The following KIF21A variants were observed in gnomAD, a reference collection of about 807,000 sequenced individuals.
KIF21A encodes kinesin family member 21A, also known as kinesin-like protein KIF21A.
In KIF21A, 114 loss-of-function variants were observed where a neutral mutation model predicts 202.9. The observed-to-expected ratio is 0.56, with a 90% CI of 0.48 to 0.66. The LOEUF is 0.66. Ranked by LOEUF, KIF21A falls within the 30% of genes least tolerant of loss-of-function variation. The pLI, the probability that KIF21A is intolerant of heterozygous loss-of-function variation, is 0.00. For synonymous variants in KIF21A, 667 were observed against 670.8 expected (o/e 0.99, Z 0.09); for missense variants, 1,677 against 1,994.9 (o/e 0.84, Z 3.04).
chr12:39,317,936 G>A, intron 29 of KIF21A, 137 bp downstream of exon 29: 1 of 852,042 alleles, frequency 1.2e-6, no homozygotes, highest in Non-Finnish European at 1.9e-6. Flanking sequence ...CCATTGGAAA[G>A]ATGCATAAAA....
At chr12:39,411,233 A>G (rs1340003528) in intron 1 of KIF21A, among the ~76,000 whole-genome samples, 1 of 152,218 alleles carries the variant, frequency 6.6e-6, no homozygotes, top group East Asian at 1.9e-4. Context: ...TTCTTTAATA[A>G]GAATGCCAAC....
intron 31 of KIF21A, chr12:39,312,514 G>A (rs1390893112): frequency 6.6e-6 from 1 of 151,960 alleles, no homozygotes; most frequent in Admixed American, 6.6e-5. Context: ...ACTACTAAAA[G>A]AGTATAATTG....
intron 1 of KIF21A, among the ~76,000 whole-genome samples, chr12:39,376,947 G>A (rs1257232449): frequency 6.6e-6 from 1 of 152,110 alleles, no homozygotes; most frequent in Non-Finnish European, 1.5e-5. Context: ...TTGCTGATTT[G>A]TTGTCCTGTT....
At position 39,296,320 on chromosome 12, in the gene KIF21A, C is replaced by T. The variant is rs543307036; in HGVS notation, c.4932-1803G>A. Reference sequence around the variant, plus strand: ...TCCTGACCTCATGACCCGCCTGCCTCGGCCTCCCAAAGTGCTGGGATTACA... The same window carrying T: ...TCCTGACCTCATGACCCGCCTGCCTTGGCCTCCCAAAGTGCTGGGATTACA... On this transcript the variant is annotated intron_variant, in intron 37 of 37. Transcript: ENST00000361418. 5.9e-5 allele frequency among the ~76,000 whole-genome samples: 9 copies of T among 152,098 alleles called. No homozygotes were observed. The South Asian group carries it at 1.7e-3, about 28-fold the overall frequency.
chr12:39,440,820 T>C (rs7962283), intron 1 of KIF21A, among the ~76,000 whole-genome samples: 51,086 of 151,746 alleles, frequency 0.34, 10,764 homozygotes, highest in African/African-American at 0.6. Context: ...ACAAGACCAC[T>C]CTGGGAAACA....
At chr12:39,401,407 C>T (rs1163315055) in intron 1 of KIF21A, among the ~76,000 whole-genome samples, 2 of 152,140 alleles carry the variant, frequency 1.3e-5, no homozygotes, top group Non-Finnish European at 2.9e-5. Context: ...AAGGTAAATT[C>T]TTTACCCAAT....
chr12:39,367,752 C>A (rs1463083650), intron 4 of KIF21A, 131 bp downstream of exon 4: 3 of 720,346 alleles, frequency 4.2e-6, no homozygotes, highest in Non-Finnish European at 7.1e-6. Context: ...GAGGAAAGAA[C>A]ACAAGATCTT....
At chr12:39,346,161 G>A (rs1592259405) in intron 12 of KIF21A, among the ~76,000 whole-genome samples, 1 of 151,842 alleles carries the variant, frequency 6.6e-6, no homozygotes, top group African/African-American at 2.4e-5. Context: ...AATGGCAGGG[G>A]TTTTAGGGTT....
At chr12:39,387,222 C>T (rs1951010659) in intron 1 of KIF21A, among the ~76,000 whole-genome samples, 1 of 147,736 alleles carries the variant, frequency 6.8e-6, no homozygotes, top group Admixed American at 6.8e-5. Context: ...ACTGTAAAAG[C>T]CTATGACTGT....
chr12:39,338,456 T>TA (rs1348254212), intron 16 of KIF21A, among the ~76,000 whole-genome samples: 1 of 152,168 alleles, frequency 6.6e-6, no homozygotes, highest in Non-Finnish European at 1.5e-5. Flanking sequence ...GTTTTTAAAA[T>TA]AAATTTAGTG....
intron 10 of KIF21A, among the ~76,000 whole-genome samples, chr12:39,356,166 C>T (rs1948761598): frequency 6.6e-6 from 1 of 152,202 alleles, no homozygotes; most frequent in African/African-American, 2.4e-5. Context: ...CAACCCTATT[C>T]CCCAAGTCTA....
chr12:39,358,155 C>A (rs1948939254), intron 8 of KIF21A, 23 bp downstream of exon 8: 1 of 1,608,434 alleles, frequency 6.2e-7, no homozygotes, highest in Non-Finnish European at 8.5e-7. Context: ...TCACAAAATG[C>A]AAAGTCAAAC....
rs369194542 is a variant in KIF21A, at chr12:39,358,238, T to C, written c.1155A>G (p.Gln385=). The C allele has an allele frequency of 5.6e-6, 9 of 1,614,016 alleles. No homozygotes were observed. The highest frequency in any genetic ancestry group is 4.0e-5 in the African/African-American group (3 of 74,916). The part of the protein sequence containing the change: ...VMVNQDRASQ[Q]INALRSEITR... ...TGATTTCACTACGAAGTGCATTGATTTGCTGACTAGCTCTGTCCTGATTGA... is the reference window on the plus strand; with the variant it reads ...TGATTTCACTACGAAGTGCATTGATCTGCTGACTAGCTCTGTCCTGATTGA... Residue 385 remains glutamine (Q), a synonymous_variant, in exon 8 of 38, where the codon CAA becomes CAG. Transcript: ENST00000361418.
chr12:39,428,433 G>C (rs576615808), intron 1 of KIF21A, among the ~76,000 whole-genome samples: 1 of 152,280 alleles, frequency 6.6e-6, no homozygotes, highest in South Asian at 2.1e-4. Context: ...TAGTTATCTA[G>C]TCAAAGGTTT....
intron 11 of KIF21A, among the ~76,000 whole-genome samples, chr12:39,350,894 G>C (rs567250595): frequency 6.6e-6 from 1 of 152,028 alleles, no homozygotes; most frequent in Admixed American, 6.6e-5. Context: ...CAGCAGGTAG[G>C]CTAAACGTCT....
intron 22 of KIF21A, 95 bp downstream of exon 22, chr12:39,331,595 T>C (rs1325325094): frequency 1.2e-6 from 1 of 837,072 alleles, no homozygotes; most frequent in Admixed American, 1.7e-5. Context: ...TCTTCTTCCT[T>C]ATTACAAAGC....
chr12:39,365,441 G>C (rs557775085), intron 6 of KIF21A, among the ~76,000 whole-genome samples: 12 of 152,268 alleles, frequency 7.9e-5, no homozygotes, highest in African/African-American at 2.2e-4. Flanking sequence ...TTGTAATGAA[G>C]ATAATAAGAA....
intron 10 of KIF21A, among the ~76,000 whole-genome samples, chr12:39,354,872 G>T (rs1473194278): frequency 6.6e-6 from 1 of 152,088 alleles, no homozygotes; most frequent in Non-Finnish European, 1.5e-5. Flanking sequence ...TCTGAGATTA[G>T]CAGGTATTAT....
chr12:39,407,893 TTTA>T (rs1952731751), intron 1 of KIF21A, among the ~76,000 whole-genome samples: 1 of 147,912 alleles, frequency 6.8e-6, no homozygotes, highest in Non-Finnish European at 1.5e-5. Flanking sequence ...GCTAAATATA[TTTA>T]GCATATAAAT....
Sources: allele counts gnomAD v4.1 joint callset (sites outside exome capture counted in the v4.1 genomes callset), GRCh38; gene constraint gnomAD v4.1.1; transcripts MANE v1.5; gene names NCBI Gene and HGNC (gene_info 2026-07-23, HGNC 2026-07-21).